P3H4: variants seen among roughly 807,000 people sequenced by gnomAD.
P3H4 encodes the protein prolyl 3-hydroxylase family member 4 (inactive), also known as endoplasmic reticulum protein SC65.
P3H4 carries 47 observed loss-of-function variants against 52.9 expected under a neutral mutation model. The observed-to-expected ratio is 0.89, with a 90% CI of 0.70 to 1.13. The LOEUF is 1.13. Among genes scored for constraint, P3H4 ranks in the 50% most tolerant of loss-of-function variants. The probability of loss-of-function intolerance (pLI) is 0.00; values close to 1 mark genes in which losing one functional copy is unlikely to be tolerated. For missense variants in P3H4, 585 were observed against 611.0 expected (o/e 0.96, Z 0.45); for synonymous variants, 256 against 267.9 (o/e 0.96, Z 0.44).
At chr17:41,807,167 C>T (rs910822448) in intron 5 of P3H4, 3 of 459,342 alleles carry the variant, frequency 6.5e-6, no homozygotes, top group African/African-American at 5.9e-5. Context: ...TGGCCCTCAA[C>T]TCCAACAGAT....
rs2047634768 is a variant in P3H4, at chr17:41,803,058, G to A, written c.1292-79C>T. On this transcript the variant is annotated intron_variant, in intron 7 of 7. Transcript: ENST00000393928. ...GTGTCCAGGTGCTGTCCTGATGGGA[G>A]GTGGGGTGAGGCTCCCCCGGACAGG... 2.0e-6 allele frequency: 3 copies of A among 1,536,956 alleles called. No individual in the cohort carries two copies. The East Asian group carries it at 6.8e-5, about 35-fold the overall frequency.
In P3H4 at chr17:41,811,473, A is replaced by G; in HGVS notation, c.443T>C (p.Leu148Pro). The G allele has an allele frequency of 6.2e-7, 1 of 1,612,238 alleles. No homozygotes were observed. Among genetic ancestry groups the G allele is most frequent in the Non-Finnish European group, 8.5e-7 (1 of 1,179,736 alleles). ...TCCCACCTTGAACAGCGCGTAGTGC[A>G]GGTACTGGTAGGGCAGGCGGCTCTG... ...DFQSRLPYQY[L>P]HYALFKANRL... The change falls in exon 1 of 8, where the codon CTG (leucine) becomes CCG (proline). Residue 148 changes from leucine to proline, a missense_variant. Coordinates refer to ENST00000393928, the MANE Select transcript of P3H4 (RefSeq NM_006455.3). This position sits in a 1 kb window ranked among gnomAD's most constrained non-coding sequence, Gnocchi z 4.8.
chr17:41,808,018 G>T lies in P3H4; in HGVS notation c.917-14C>A, dbSNP rs2047692840. 1.2e-6 allele frequency: 2 copies of T among 1,608,774 alleles called. No individual in the cohort carries two copies. The highest frequency in any genetic ancestry group is 1.1e-5 in the South Asian group (1 of 90,528). On this transcript the variant is annotated splice_polypyrimidine_tract_variant and intron_variant, in intron 4 of 7. Coordinates refer to ENST00000393928, the MANE Select transcript of P3H4 (RefSeq NM_006455.3). ...GCACATCATTCACTGCAGCAGGACA[G>T]GGGTGAGGAATTGCTCTGGCACTTC...
chr17:41,808,085 C>T (rs1390401140), intron 4 of P3H4, 81 bp from the exon 5 acceptor site: 2 of 1,511,950 alleles, frequency 1.3e-6, no homozygotes, highest in African/African-American at 1.4e-5. Flanking sequence ...GTCCAGCACC[C>T]CTGCTACCCA....
intron 6 of P3H4, 48 bp from the exon 7 acceptor site, chr17:41,803,479 A>C (rs1555613805): frequency 6.3e-7 from 1 of 1,582,038 alleles, no homozygotes; most frequent in South Asian, 1.1e-5. Flanking sequence ...CAGTACGCCC[A>C]AACCCATATG....
intron 4 of P3H4, 34 bp downstream of exon 4, chr17:41,809,672 C>T (rs2047708903): frequency 2.5e-6 from 4 of 1,607,276 alleles, no homozygotes; most frequent in Non-Finnish European, 3.4e-6. Context: ...ATCACCTCGT[C>T]CCCTGCCCAA....
rs2047678366 is a variant in P3H4, at chr17:41,806,787, G to A, written c.1146+9C>T. The A allele has an allele frequency of 1.2e-6, 2 of 1,610,980 alleles. No individual in the cohort carries two copies. Among genetic ancestry groups the A allele is most frequent in the Admixed American group, 3.3e-5 (2 of 59,852 alleles). On this transcript the variant is annotated intron_variant, in intron 6 of 7. Coordinates refer to ENST00000393928, the MANE Select transcript of P3H4 (RefSeq NM_006455.3). ...CACAGCCCAATCCTGGAAAGCAGGA[G>A]GCACTCACCTCATCATCTGACTGCA... is the stretch of plus-strand genomic sequence containing the variant.
intron 6 of P3H4, 89 bp downstream of exon 6, chr17:41,806,706 TG>T: frequency 9.3e-7 from 1 of 1,071,192 alleles, no homozygotes; most frequent in Non-Finnish European, 1.4e-6. Context: ...CACCAGGGGC[TG>T]GGGCTGAATT....
chr17:41,806,289 C>T (rs929971280), intron 6 of P3H4, among the ~76,000 whole-genome samples: 25 of 152,284 alleles, frequency 1.6e-4, no homozygotes, highest in African/African-American at 6.0e-4. Flanking sequence ...TCCTGAGGTC[C>T]TGCATTCATT....
chr17:41,805,617 A>T (rs1391195456), intron 6 of P3H4, among the ~76,000 whole-genome samples: 5 of 151,946 alleles, frequency 3.3e-5, no homozygotes, highest in East Asian at 1.9e-4. Flanking sequence ...GAGCTACCAT[A>T]CCCGGCCAGA....
intron 6 of P3H4, among the ~76,000 whole-genome samples, chr17:41,804,744 C>A (rs781925486): frequency 6.7e-6 from 1 of 150,144 alleles, no homozygotes. Flanking sequence ...CCGAGGCAAG[C>A]GGACCACTTG....
intron 6 of P3H4, among the ~76,000 whole-genome samples, chr17:41,805,092 G>A (rs915603478): frequency 1.3e-5 from 2 of 151,826 alleles, no homozygotes; most frequent in Non-Finnish European, 2.9e-5. Flanking sequence ...GAGACCATAC[G>A]GGGTAACATA....
chr17:41,803,872 G>A (rs1224939991), intron 6 of P3H4, among the ~76,000 whole-genome samples: 3 of 152,072 alleles, frequency 2.0e-5, no homozygotes, highest in African/African-American at 7.2e-5. Flanking sequence ...CTCCCCTGGT[G>A]CCGTGTGCTG....
In P3H4 at chr17:41,811,158, T is replaced by C. The variant is rs1284038450; in HGVS notation, c.589A>G (p.Thr197Ala). The stretch of plus-strand genomic sequence containing the variant: ...TCGTAGGGCTGGGCCTCTAGGTCCG[T>C]GAGGGACTCGTCGGCGACGTCCAGC... ...GMLDVADESL[T>A]DLEAQPYEAV... The change falls in exon 2 of 8, where the codon ACG becomes GCG. Residue 197 changes from threonine to alanine, a missense_variant. Coordinates refer to ENST00000393928, the MANE Select transcript of P3H4 (RefSeq NM_006455.3). This position sits in a 1 kb window ranked among gnomAD's most constrained non-coding sequence, Gnocchi z 4.8. 6.2e-7 allele frequency: 1 copy of C among 1,614,072 alleles called. No individual in the cohort carries two copies. Among genetic ancestry groups the C allele is most frequent in the African/African-American group, 1.3e-5 (1 of 74,942 alleles).
intron 6 of P3H4, among the ~76,000 whole-genome samples, chr17:41,804,152 C>T (rs1351350320): frequency 2.0e-5 from 3 of 151,930 alleles, no homozygotes; most frequent in East Asian, 2.0e-4. Context: ...CGGGTTTCAC[C>T]GTGTTAGCCA....
rs2047727842 is a variant in P3H4 at position 41,811,117 on chromosome 17, G to T, written c.615+15C>A. 1 of 1,613,854 alleles carries T rather than the reference G, an allele frequency of 6.2e-7. No homozygotes were observed. The highest frequency in any genetic ancestry group is 1.3e-5 in the African/African-American group (1 of 74,926). On this transcript the variant is annotated intron_variant, in intron 2 of 7. Coordinates refer to ENST00000393928, the MANE Select transcript of P3H4 (RefSeq NM_006455.3). This position sits in a 1 kb window ranked among gnomAD's most constrained non-coding sequence, Gnocchi z 4.8. ...AGCCCTCCTCTACAAGCCTCCTCCT[G>T]ACCCTCCACCCCACCTCGTAGGGCT... is the stretch of plus-strand genomic sequence containing the variant.
intron 6 of P3H4, among the ~76,000 whole-genome samples, chr17:41,805,306 A>AAACAAAC (rs1555614054): frequency 3.5e-3 from 435 of 124,322 alleles, no homozygotes; most frequent in African/African-American, 5.7e-3. Context: ...AACAAACAAA[A>AAACAAAC]AAACATACTT....
chr17:41,804,861 C>G (rs544668722), intron 6 of P3H4, among the ~76,000 whole-genome samples: 2 of 151,808 alleles, frequency 1.3e-5, no homozygotes, highest in African/African-American at 4.8e-5. Context: ...GTAATCCCAG[C>G]TACTCGGAGG....
At chr17:41,807,169 C>A (rs1441192588) in intron 5 of P3H4, 8 of 454,674 alleles carry the variant, frequency 1.8e-5, no homozygotes, top group African/African-American at 1.6e-4. Flanking sequence ...GCCCTCAACT[C>A]CAACAGATTT....
Sources: gnomAD v4.1 joint callset for allele counts (sites outside exome capture counted in the v4.1 genomes callset) on GRCh38, gnomAD v4.1.1 for gene constraint, Gnocchi (gnomAD v3.1) non-coding constraint, MANE v1.5 for transcripts, NCBI Gene and HGNC (gene_info 2026-07-23, HGNC 2026-07-21) for gene names.